Variants in PHTF2 observed in about 807,000 individuals in gnomAD.
The protein encoded by PHTF2 is putative homeodomain transcription factor 2, also known as protein PHTF2.
A neutral mutation model predicts 101.2 loss-of-function variants in PHTF2; 60 were observed. The ratio of observed to expected loss-of-function variants is 0.59; its 90% CI spans 0.48 to 0.73. The LOEUF (loss-of-function observed/expected upper bound fraction) is 0.73, where lower values mean the gene tolerates loss of function less well. Among genes scored for constraint, PHTF2 ranks in the 30% least tolerant of loss-of-function variants. The pLI is 0.00. For synonymous variants in PHTF2, 311 were observed against 307.3 expected (o/e 1.01, Z -0.13); for missense variants, 747 against 908.7 (o/e 0.82, Z 2.29).
intron 11 of PHTF2, among the ~76,000 whole-genome samples, chr7:77,925,289 A>G (rs1277213316): frequency 6.6e-6 from 1 of 152,150 alleles, no homozygotes; most frequent in East Asian, 1.9e-4. Context: ...ATCTCATTAT[A>G]TGTTCAGTTT....
chr7:77,897,508 T>A lies in PHTF2; in HGVS notation c.217-3203T>A, dbSNP rs529302899. Among the ~76,000 whole-genome samples the A allele has an allele frequency of 3.9e-5, 6 of 152,056 alleles. No individual in the cohort carries two copies. The East Asian group carries it at 5.8e-4, about 15-fold the overall frequency. ...TTCTAGTTTGTGCATAAATTAGTAG[T>A]TTTAAAAATCTCATTTTTTAAAGAA... is the stretch of plus-strand genomic sequence containing the variant. On this transcript the variant is annotated intron_variant, in intron 5 of 19. Transcript: ENST00000416283.
At chr7:77,933,711 G>GTTTT (rs372397795) in intron 12 of PHTF2, among the ~76,000 whole-genome samples, 16 of 108,318 alleles carry the variant, frequency 1.5e-4, no homozygotes, top group African/African-American at 4.7e-4. Flanking sequence ...GGGACCATGT[G>GTTTT]TTTTTTTTTT....
chr7:77,861,720 T>G (rs759723842), intron 3 of PHTF2, among the ~76,000 whole-genome samples: 1 of 151,858 alleles, frequency 6.6e-6, no homozygotes, highest in Non-Finnish European at 1.5e-5. Context: ...GCCGGAAGTT[T>G]GAGAAGAGCC....
At chr7:77,909,124 T>G (rs1802129883) in intron 8 of PHTF2, 166 bp downstream of exon 7, 1 of 503,230 alleles carries the variant, frequency 2.0e-6, no homozygotes, top group Non-Finnish European at 3.5e-6. Flanking sequence ...AGTTTCCATA[T>G]TTGCTTCAAG....
chr7:77,807,989 G>T (rs1033366841), intron 1 of PHTF2, among the ~76,000 whole-genome samples: 1 of 152,076 alleles, frequency 6.6e-6, no homozygotes, highest in African/African-American at 2.4e-5. Context: ...CCTTGTTGAA[G>T]ATTATTTGAC....
intron 7 of PHTF2, among the ~76,000 whole-genome samples, chr7:77,907,582 T>A (rs1473722661): frequency 1.3e-5 from 2 of 152,240 alleles, no homozygotes; most frequent in Non-Finnish European, 2.9e-5. Flanking sequence ...TTACTCATGT[T>A]GTCCTGGTGC....
rs117858981 is a variant in PHTF2 at position 77,921,868 on chromosome 7, G to A, written c.964-755G>A. Among the ~76,000 whole-genome samples, 4 of 152,158 alleles carry A rather than the reference G, an allele frequency of 2.6e-5. No homozygotes were observed. The East Asian group carries it at 7.7e-4, about 29-fold the overall frequency. ...TTGTCTGACGTGCGCACATGCAGTTGCTATTTACTTCCTCTTATCCTGTAA... is the reference window on the plus strand; with the variant it reads ...TTGTCTGACGTGCGCACATGCAGTTACTATTTACTTCCTCTTATCCTGTAA... On this transcript the variant is annotated intron_variant, in intron 10 of 19. Coordinates refer to ENST00000416283, the Ensembl canonical transcript of PHTF2.
chr7:77,888,557 C>T (rs1475785366), intron 3 of PHTF2, among the ~76,000 whole-genome samples: 3 of 152,110 alleles, frequency 2.0e-5, no homozygotes, highest in Admixed American at 6.5e-5. Context: ...TCAAAAATTT[C>T]GAAGTCGTCA....
chr7:77,808,012 G>C (rs1216848500), intron 1 of PHTF2, among the ~76,000 whole-genome samples: 1 of 151,718 alleles, frequency 6.6e-6, no homozygotes, highest in Non-Finnish European at 1.5e-5. Flanking sequence ...CATATATGAG[G>C]GTTTATTTCT....
intron 2 of PHTF2, among the ~76,000 whole-genome samples, chr7:77,845,925 C>T (rs557398442): frequency 3.5e-4 from 53 of 152,282 alleles, no homozygotes; most frequent in African/African-American, 1.1e-3. Context: ...TTTACTTAAT[C>T]CCAAGACCAG....
chr7:77,912,492 A>G (rs1340599755), intron 9 of PHTF2, among the ~76,000 whole-genome samples: 1 of 152,156 alleles, frequency 6.6e-6, no homozygotes, highest in African/African-American at 2.4e-5. Context: ...CTAAGACTTA[A>G]CAAAATTGTT....
chr7:77,922,938 G>C, intron 11 of PHTF2, 160 bp downstream of exon 10: 1 of 1,361,222 alleles, frequency 7.3e-7, no homozygotes, highest in South Asian at 1.9e-5. Context: ...AGCAGTTTTA[G>C]GTTTACGTAT....
intron 11 of PHTF2, among the ~76,000 whole-genome samples, chr7:77,928,560 C>T (rs909243036): frequency 2.2e-4 from 34 of 152,114 alleles, no homozygotes; most frequent in Non-Finnish European, 2.6e-4. Flanking sequence ...ATATCCGGCC[C>T]TTCTATAAAT....
Sources: gnomAD v4.1 joint callset for allele counts (sites outside exome capture counted in the v4.1 genomes callset) on GRCh38, gnomAD v4.1.1 for gene constraint, MANE v1.5 for transcripts, NCBI Gene and HGNC (gene_info 2026-07-23, HGNC 2026-07-21) for gene names.